Variants in DGKH observed in about 807,000 individuals in gnomAD.
DGKH encodes diacylglycerol kinase eta.
Under a neutral mutation model 159.3 loss-of-function variants are expected in DGKH, and 90 were observed. That is an observed-to-expected ratio of 0.57 (90% CI 0.48 to 0.67). DGKH has a LOEUF of 0.67. Ranked by LOEUF, DGKH falls within the 30% of genes least tolerant of loss-of-function variation. The probability of loss-of-function intolerance (pLI) is 0.00; values close to 1 mark genes in which losing one functional copy is unlikely to be tolerated. For missense variants in DGKH, 1,181 were observed against 1,506.1 expected, an observed-to-expected ratio of 0.78 and a Z score of 3.57; for synonymous variants, 536 against 553.8, an observed-to-expected ratio of 0.97 and a Z score of 0.45.
intron 1 of DGKH, among the ~76,000 whole-genome samples, chr13:42,066,901 G>A (rs930500736): frequency 1.3e-5 from 2 of 152,044 alleles, no homozygotes; most frequent in African/African-American, 4.8e-5. Flanking sequence ...TTGGCCCTGA[G>A]TTCAGTGTTA....
At chr13:42,056,590 A>G (rs1261621017) in intron 1 of DGKH, among the ~76,000 whole-genome samples, 1 of 152,218 alleles carries the variant, frequency 6.6e-6, no homozygotes, top group African/African-American at 2.4e-5. Flanking sequence ...AAAAGTTTGA[A>G]TATCTGCTGA....
At chr13:42,089,706 T>C (rs958063820) in intron 1 of DGKH, among the ~76,000 whole-genome samples, 10 of 152,318 alleles carry the variant, frequency 6.6e-5, no homozygotes, top group African/African-American at 2.2e-4. Flanking sequence ...TGTGATTTCA[T>C]TGGGCCCCCT....
chr13:42,160,177 C>A (rs760236496), intron 7 of DGKH, 41 bp downstream of exon 7: 2 of 1,612,766 alleles, frequency 1.2e-6, no homozygotes, highest in East Asian at 4.5e-5. Context: ...TAATTAGCTT[C>A]TTTCCCTAAC....
intron 1 of DGKH, among the ~76,000 whole-genome samples, chr13:42,120,426 T>G (rs1955046273): frequency 6.6e-6 from 1 of 152,198 alleles, no homozygotes; most frequent in African/African-American, 2.4e-5. Flanking sequence ...AACTTTCGAA[T>G]TAGGAAATGC....
At chr13:42,056,246 A>G (rs932310766) in intron 1 of DGKH, among the ~76,000 whole-genome samples, 1 of 151,912 alleles carries the variant, frequency 6.6e-6, no homozygotes, top group Non-Finnish European at 1.5e-5. Context: ...ATGATCATAT[A>G]TGGTAATAAT....
chr13:42,238,900 G>C lies in DGKH; in HGVS notation c.*9712G>C, dbSNP rs1246862982. ...ACCTAAAGGTTTCTTTGCTAAATCT[G>C]ATATTTATTATAGTATAATATGATA... On this transcript the variant is annotated 3_prime_UTR_variant, in exon 30 of 30. Transcript: ENST00000337343. The C allele has an allele frequency of 6.6e-6, 1 of 152,004 alleles. No individual in the cohort carries two copies. The highest frequency in any genetic ancestry group is 1.5e-5 in the Non-Finnish European group (1 of 67,966). The allele number at this position is 152,004 out of a possible 1,614,324, so 9.4% of individuals were successfully genotyped here.
At chr13:42,109,031 T>G (rs1954812859) in intron 1 of DGKH, among the ~76,000 whole-genome samples, 1 of 152,108 alleles carries the variant, frequency 6.6e-6, no homozygotes, top group Admixed American at 6.5e-5. Context: ...CGATTAGAGA[T>G]GAAAGACAGA....
At chr13:42,048,527 G>A (rs1419379447), upstream of DGKH, among the ~76,000 whole-genome samples, 1 of 152,152 alleles carries the variant, frequency 6.6e-6, no homozygotes, top group Admixed American at 6.5e-5. This position sits in a 1 kb window ranked among gnomAD's most constrained non-coding sequence, Gnocchi z 6.7. Context: ...GCGGGCGGGG[G>A]TCCGTTACCT....
intron 12 of DGKH, among the ~76,000 whole-genome samples, chr13:42,177,531 C>T (rs1956635374): frequency 6.6e-6 from 1 of 151,926 alleles, no homozygotes; most frequent in Admixed American, 6.6e-5. Context: ...TTTCTGAGTC[C>T]TGTGATATCA....
chr13:42,247,740 C>G (rs1958592464), downstream of DGKH, among the ~76,000 whole-genome samples: 1 of 151,694 alleles, frequency 6.6e-6, no homozygotes, highest in South Asian at 2.1e-4. Context: ...ACTGTGTAGG[C>G]CTAGGTTAAT....
At chr13:42,188,689 A>G (rs930183692) in intron 14 of DGKH, among the ~76,000 whole-genome samples, 1 of 152,246 alleles carries the variant, frequency 6.6e-6, no homozygotes, top group Non-Finnish European at 1.5e-5. Context: ...AATATTATAA[A>G]GATGTTTTTC....
downstream of DGKH, among the ~76,000 whole-genome samples, chr13:42,247,160 A>G (rs1293676686): frequency 6.6e-6 from 1 of 152,068 alleles, no homozygotes; most frequent in African/African-American, 2.4e-5. Flanking sequence ...CATACAATAC[A>G]TAATACTTAA....
At chr13:42,159,049 T>C (rs1230479283) in intron 5 of DGKH, among the ~76,000 whole-genome samples, 1 of 152,136 alleles carries the variant, frequency 6.6e-6, no homozygotes, top group Non-Finnish European at 1.5e-5. Flanking sequence ...GCAGTCTACT[T>C]ATAGCTTTAT....
intron 1 of DGKH, among the ~76,000 whole-genome samples, chr13:42,068,130 G>A (rs1229542490): frequency 6.6e-6 from 1 of 152,060 alleles, no homozygotes; most frequent in South Asian, 2.1e-4. Context: ...TATGTGGACC[G>A]CCTTAGGATA....
rs536520389 is a variant in DGKH, at chr13:42,142,503, T to C, written c.385-12788T>C. 1.1e-4 allele frequency among the ~76,000 whole-genome samples: 17 copies of C among 149,822 alleles called. 1 individual carries two copies. In the East Asian group the frequency reaches 1.8e-3, roughly 15 times the overall value. On this transcript the variant is annotated intron_variant, in intron 3 of 29. Coordinates refer to ENST00000337343, the MANE Select transcript of DGKH (RefSeq NM_178009.5). ...ACCTTGGGCAGTATGGCCATTTTCA[T>C]GATATTGATTCTTCCTACCCATGAG...
intron 11 of DGKH, among the ~76,000 whole-genome samples, chr13:42,169,371 A>T (rs1452522349): frequency 1.3e-5 from 2 of 152,178 alleles, no homozygotes; most frequent in East Asian, 3.8e-4. Context: ...AGGGACTATC[A>T]TTGTGTTTAT....
Position 42,177,374 on chromosome 13 carries a change from C to A in DGKH, c.1453-761C>A, listed in dbSNP as rs117748722. On this transcript the variant is annotated intron_variant, in intron 12 of 29. Coordinates refer to ENST00000337343, the MANE Select transcript of DGKH (RefSeq NM_178009.5). Reference sequence around the variant, plus strand: ...GGCTTGGCTATAAATCATTCATTCTCATTCTCCTATGGTCTTCCATTGCAC... The same window carrying A: ...GGCTTGGCTATAAATCATTCATTCTAATTCTCCTATGGTCTTCCATTGCAC... 1.8e-3 allele frequency among the ~76,000 whole-genome samples: 272 copies of A among 152,324 alleles called. 4 individuals carry two copies. The East Asian group carries it at 0.043, about 24-fold the overall frequency.
At chr13:42,190,345 A>T (rs1957031040) in intron 15 of DGKH, 58 bp from the exon 16 acceptor site, 1 of 1,563,710 alleles carries the variant, frequency 6.4e-7, no homozygotes, top group Non-Finnish European at 8.6e-7. Flanking sequence ...AGCATATCTT[A>T]ATATTAATGG....
At chr13:42,118,299 G>C (rs372213226) in intron 1 of DGKH, among the ~76,000 whole-genome samples, 1 of 152,004 alleles carries the variant, frequency 6.6e-6, no homozygotes, top group Non-Finnish European at 1.5e-5. Flanking sequence ...GCGCTTTCCC[G>C]TTTTCTAATT....
Sources: gnomAD v4.1 joint callset for allele counts (sites outside exome capture counted in the v4.1 genomes callset) on GRCh38, gnomAD v4.1.1 for gene constraint, Gnocchi (gnomAD v3.1) non-coding constraint, MANE v1.5 for transcripts, NCBI Gene and HGNC (gene_info 2026-07-23, HGNC 2026-07-21) for gene names.